IL17B: variants seen among roughly 807,000 people sequenced by gnomAD.
The protein encoded by IL17B is interleukin-17B.
IL17B carries 14 observed loss-of-function variants against 14.7 expected under a neutral mutation model. The ratio of observed to expected loss-of-function variants is 0.95; its 90% CI spans 0.63 to 1.49. IL17B has a LOEUF of 1.49. IL17B is among the 40% of genes most tolerant of loss of function. IL17B has a pLI of 0.00. For synonymous variants in IL17B, 105 were observed against 94.8 expected (o/e 1.11, Z -0.62); for missense variants, 233 against 252.8 (o/e 0.92, Z 0.53).
chr5:149,382,607 G>C (rs1758725796), upstream of IL17B, among the ~76,000 whole-genome samples: 1 of 152,256 alleles, frequency 6.6e-6, no homozygotes, highest in African/African-American at 2.4e-5. Flanking sequence ...CAAAGTCACA[G>C]AAGATTCACA....
upstream of IL17B, among the ~76,000 whole-genome samples, chr5:149,382,605 C>G (rs1327245495): frequency 1.3e-5 from 2 of 152,242 alleles, no homozygotes; most frequent in African/African-American, 4.8e-5. Context: ...CCCAAAGTCA[C>G]AGAAGATTCA....
At chr5:149,385,804 A>T (rs1433728556) in intron 1 of IL17B, among the ~76,000 whole-genome samples, 2 of 152,224 alleles carry the variant, frequency 1.3e-5, no homozygotes. Context: ...GGAAGGCCCC[A>T]ACCCTGCCCT....
At chr5:149,376,363 C>A (rs1217156259) in intron 2 of IL17B, among the ~76,000 whole-genome samples, 1 of 152,256 alleles carries the variant, frequency 6.6e-6, no homozygotes, top group Admixed American at 6.5e-5. Flanking sequence ...AAGAGACAGA[C>A]TGGAACACCG....
chr5:149,391,691 G>A (rs952029794), intron 1 of IL17B, among the ~76,000 whole-genome samples: 4 of 152,182 alleles, frequency 2.6e-5, no homozygotes, highest in Non-Finnish European at 5.9e-5. Flanking sequence ...AATTCTGGAA[G>A]CATGGCAGGC....
chr5:149,387,665 T>C (rs1758852686), intron 1 of IL17B, among the ~76,000 whole-genome samples: 1 of 150,164 alleles, frequency 6.7e-6, no homozygotes. Context: ...TCCCAGCTAC[T>C]CAGGAGGCTG....
At chr5:149,395,530 A>G (rs1318126238) in intron 1 of IL17B, among the ~76,000 whole-genome samples, 1 of 152,230 alleles carries the variant, frequency 6.6e-6, no homozygotes, top group Non-Finnish European at 1.5e-5. Flanking sequence ...CCTACTGTGC[A>G]CATAATTACT....
rs1758481556 is a variant in IL17B at position 149,374,857 on chromosome 5, A to C, written c.312-257T>G. 1 of 470,528 alleles carries C rather than the reference A, an allele frequency of 2.1e-6. No individual in the cohort carries two copies. Among genetic ancestry groups the C allele is most frequent in the Non-Finnish European group, 3.8e-6 (1 of 259,742 alleles). The allele number at this position is 470,528 out of a possible 1,614,324, so 29.1% of individuals were successfully genotyped here. On this transcript the variant is annotated intron_variant, in intron 2 of 2. Coordinates refer to ENST00000261796, the MANE Select transcript of IL17B (RefSeq NM_014443.3). The surrounding 1 kb of genome is among the most constrained non-coding windows in gnomAD (Gnocchi z 5.0). ...CAGCTTCCTTCTTTCGTGCAGCCAGATGCCCATCCCAGTACTAGGTTGCGC... is the reference window on the plus strand; with the variant it reads ...CAGCTTCCTTCTTTCGTGCAGCCAGCTGCCCATCCCAGTACTAGGTTGCGC...
At chr5:149,375,299 T>C (rs1196107432) in intron 2 of IL17B, among the ~76,000 whole-genome samples, 1 of 152,172 alleles carries the variant, frequency 6.6e-6, no homozygotes, top group African/African-American at 2.4e-5. Context: ...ATACAGGGAC[T>C]TGCTTTGTGA....
At chr5:149,378,105 C>T (rs1325257008) in intron 1 of IL17B, among the ~76,000 whole-genome samples, 1 of 152,116 alleles carries the variant, frequency 6.6e-6, no homozygotes, top group Non-Finnish European at 1.5e-5. Context: ...GATCACACCA[C>T]TGCACTCCAG....
At chr5:149,390,624 C>CTT (rs1758926075) in intron 1 of IL17B, among the ~76,000 whole-genome samples, 2 of 144,822 alleles carry the variant, frequency 1.4e-5, no homozygotes, top group African/African-American at 5.3e-5. Context: ...CACACACACA[C>CTT]ACACACAGAG....
chr5:149,379,149 T>G, intron 1 of IL17B, 56 bp downstream of exon 1: 2 of 1,608,394 alleles, frequency 1.2e-6, no homozygotes, highest in Non-Finnish European at 1.7e-6. Context: ...AAAGAAAAAC[T>G]GACATATTTG....
Position 149,374,820 on chromosome 5 carries a change from T to G in IL17B, c.312-220A>C. The G allele has an allele frequency of 1.9e-6, 1 of 513,858 alleles. No homozygotes were observed. Among genetic ancestry groups the G allele is most frequent in the Non-Finnish European group, 3.5e-6 (1 of 287,478 alleles). 31.8% of individuals were successfully genotyped at this position (513,858 alleles called of 1,614,324 possible). On this transcript the variant is annotated intron_variant, in intron 2 of 2. Transcript: ENST00000261796. The surrounding 1 kb of genome is among the most constrained non-coding windows in gnomAD (Gnocchi z 5.0). ...GCCCCAAGGTTATCCAGCTTCAAGG[T>G]CACCAGTCACCCAGCTTCCTTCTTT... is the stretch of plus-strand genomic sequence containing the variant.
At chr5:149,393,238 CA>C (rs1270670130) in intron 1 of IL17B, among the ~76,000 whole-genome samples, 1 of 152,200 alleles carries the variant, frequency 6.6e-6, no homozygotes, top group Non-Finnish European at 1.5e-5. Context: ...CCCTTTGCTT[CA>C]ATGCCCTTCT....
At chr5:149,391,191 C>T (rs942308878) in intron 1 of IL17B, among the ~76,000 whole-genome samples, 1 of 152,178 alleles carries the variant, frequency 6.6e-6, no homozygotes, top group Non-Finnish European at 1.5e-5. Flanking sequence ...GTCTTGAACT[C>T]CTGACCTCAG....
At position 149,374,462 on chromosome 5, in the gene IL17B, G is replaced by A. The variant is rs1286091745; in HGVS notation, c.450C>T (p.Arg150=). Residue 150 remains arginine, a synonymous_variant, in exon 3 of 3, where the codon CGC becomes CGT. Transcript: ENST00000261796. The surrounding 1 kb of genome is among the most constrained non-coding windows in gnomAD (Gnocchi z 5.0). ...GGGGCGGTGGCGGGCAGAGGCGGCGGCGCACAGGAACCTGGCTGAACACCG... is the reference window on the plus strand; with the variant it reads ...GGGGCGGTGGCGGGCAGAGGCGGCGACGCACAGGAACCTGGCTGAACACCG... ...SVPVFSQVPV[R]RRLCPPPPRT... 5 of 1,612,012 alleles carry A rather than the reference G, an allele frequency of 3.1e-6. No homozygotes were observed. Among genetic ancestry groups the A allele is most frequent in the South Asian group, 2.2e-5 (2 of 91,068 alleles).
upstream of IL17B, among the ~76,000 whole-genome samples, chr5:149,379,449 C>G (rs570067706): frequency 2.7e-4 from 41 of 152,288 alleles, no homozygotes; most frequent in Middle Eastern, 3.4e-3. Flanking sequence ...GGCCAGGAGC[C>G]GAGCTGAGGT....
In IL17B at chr5:149,374,432, T is replaced by C; in HGVS notation, c.480A>G (p.Thr160=). Residue 160 remains threonine (T), a synonymous_variant, in exon 3 of 3, where the codon ACA becomes ACG. Transcript: ENST00000261796. The surrounding 1 kb of genome is among the most constrained non-coding windows in gnomAD (Gnocchi z 5.0). ...RRRLCPPPPR[T]GPCRQRAVME... ...TGACTGCGCGCTGGCGGCAAGGCCC[T>C]GTGCGGGGCGGTGGCGGGCAGAGGC... The C allele has an allele frequency of 1.2e-6, 2 of 1,608,510 alleles. No homozygotes were observed. The highest frequency in any genetic ancestry group is 1.1e-5 in the South Asian group (1 of 90,970).
At chr5:149,402,750 TC>T (rs1481961441) in intron 1 of IL17B, among the ~76,000 whole-genome samples, 3 of 149,260 alleles carry the variant, frequency 2.0e-5, no homozygotes, top group African/African-American at 7.4e-5. Flanking sequence ...ATGCCTGTAA[TC>T]TCAGCACTTT....
At chr5:149,383,340 C>G (rs1233885906), upstream of IL17B, among the ~76,000 whole-genome samples, 1 of 152,222 alleles carries the variant, frequency 6.6e-6, no homozygotes, top group East Asian at 1.9e-4. Flanking sequence ...AAGGCTAGAA[C>G]CAGCAGAAGA....
Sources: allele counts gnomAD v4.1 joint callset (sites outside exome capture counted in the v4.1 genomes callset), GRCh38; gene constraint gnomAD v4.1.1; non-coding constraint Gnocchi (gnomAD v3.1); transcripts MANE v1.5; gene names NCBI Gene and HGNC (gene_info 2026-07-23, HGNC 2026-07-21).